The following MRC2 variants were observed in gnomAD, a reference collection of about 807,000 sequenced individuals.
MRC2 encodes the protein mannose receptor C-type 2, also known as C-type mannose receptor 2.
In MRC2, 84 loss-of-function variants were observed where a neutral mutation model predicts 206.2. The ratio of observed to expected loss-of-function variants is 0.41; its 90% CI spans 0.34 to 0.49. MRC2 has a LOEUF of 0.49. MRC2 is among the 20% of genes least tolerant of loss of function. The pLI is 0.31. For missense variants in MRC2, 1,676 were observed against 2,001.5 expected (o/e 0.84, Z 3.10); for synonymous variants, 798 against 800.0 (o/e 1.00, Z 0.04).
chr17:62,640,941 A>G (rs1047916290), intron 1 of MRC2, among the ~76,000 whole-genome samples: 1 of 150,840 alleles, frequency 6.6e-6, no homozygotes, highest in Admixed American at 6.6e-5. Context: ...TGACCTCATG[A>G]TCCACCCGCC....
Position 62,627,725 on chromosome 17 carries a change from G to A in MRC2, c.-78G>A, listed in dbSNP as rs918986871. On this transcript the variant is annotated 5_prime_UTR_variant, in exon 1 of 30. Coordinates refer to ENST00000303375, the MANE Select transcript of MRC2 (RefSeq NM_006039.5). ...GAGCCCCTTGCGGGCGGTCATCACA[G>A]CCCAGCCTCGGGGCTGCCACAGCGC... The A allele has an allele frequency of 2.6e-4, 301 of 1,176,926 alleles. 1 individual carries two copies. The African/African-American group carries it at 4.6e-3, about 18-fold the overall frequency. 72.9% of individuals were successfully genotyped at this position (1,176,926 alleles called of 1,614,324 possible). A position where few individuals can be genotyped will look rare whatever the true frequency, so the allele number is the denominator to read the frequency against.
chr17:62,641,577 T>C (rs2088404607), intron 1 of MRC2, among the ~76,000 whole-genome samples: 1 of 152,184 alleles, frequency 6.6e-6, no homozygotes, highest in African/African-American at 2.4e-5. Context: ...ATTGATGGTT[T>C]GCAAAGAGCT....
intron 1 of MRC2, among the ~76,000 whole-genome samples, chr17:62,634,398 T>G (rs1568046986): frequency 6.6e-6 from 1 of 152,100 alleles, no homozygotes; most frequent in Non-Finnish European, 1.5e-5. Context: ...CCTCCCAGGT[T>G]CAAGCAATTC....
At chr17:62,655,983 C>T (rs1046032700) in intron 1 of MRC2, among the ~76,000 whole-genome samples, 1 of 152,070 alleles carries the variant, frequency 6.6e-6, no homozygotes, top group South Asian at 2.1e-4. Context: ...TCAGACTCCT[C>T]GGCTCAGTTA....
chr17:62,672,147 G>A lies in MRC2; in HGVS notation c.1456G>A (p.Gly486Ser). 6.2e-7 allele frequency: 1 copy of A among 1,613,916 alleles called. No homozygotes were observed. Among genetic ancestry groups the A allele is most frequent in the Non-Finnish European group, 8.5e-7 (1 of 1,179,988 alleles). Residue 486 changes from glycine (G) to serine (S), a missense_variant, in exon 8 of 30, where the codon GGC becomes AGC. Coordinates refer to ENST00000303375, the MANE Select transcript of MRC2 (RefSeq NM_006039.5). This position sits in a 1 kb window ranked among gnomAD's most constrained non-coding sequence, Gnocchi z 4.5. ...TCTGGAGGACTGTGTCACCATCTGGGGCCCGGTGAGATCTCCCTCTCCCTA... is the reference window on the plus strand; with the variant it reads ...TCTGGAGGACTGTGTCACCATCTGGAGCCCGGTGAGATCTCCCTCTCCCTA... ...DSLEDCVTIW[G>S]PEGRWNDSPC...
chr17:62,679,861 C>G lies in MRC2; in HGVS notation c.2257C>G (p.Pro753Ala), dbSNP rs779289590. 50 of 1,613,738 alleles carry G rather than the reference C, an allele frequency of 3.1e-5. No individual in the cohort carries two copies. Among genetic ancestry groups the G allele is most frequent in the Non-Finnish European group, 4.2e-5 (49 of 1,179,994 alleles). The change falls in exon 14 of 30, where the codon CCC (proline) becomes GCC (alanine). Residue 753 changes from proline to alanine, a missense_variant. Transcript: ENST00000303375. ...WFWIGLNRRDPRGGQSWRWSD... is the reference protein window; with the variant it reads ...WFWIGLNRRDARGGQSWRWSD... ...CTGGATCGGCCTGAACCGTCGGGAT[C>G]CCAGAGGGGGTCAGAGTTGGCGCTG...
chr17:62,691,458 C>T (rs191995740), intron 28 of MRC2, among the ~76,000 whole-genome samples: 85 of 152,232 alleles, frequency 5.6e-4, no homozygotes, highest in African/African-American at 1.7e-3. Context: ...TCAGTTTCCT[C>T]GTATGTAAAA....
chr17:62,680,606 C>G lies in MRC2; in HGVS notation c.2473+153C>G. 1.5e-6 allele frequency: 2 copies of G among 1,301,912 alleles called. No individual in the cohort carries two copies. The highest frequency in any genetic ancestry group is 2.2e-4 in the Middle Eastern group (1 of 4,500). 80.6% of individuals were successfully genotyped at this position (1,301,912 alleles called of 1,614,324 possible). On this transcript the variant is annotated intron_variant, in intron 16 of 29. Transcript: ENST00000303375. The surrounding 1 kb of genome is among the most constrained non-coding windows in gnomAD (Gnocchi z 4.8). ...TTGGCTCGGACGGAGGCAGCCACAG[C>G]CCTGTTTGCTTCCGTGTGGGAGGCG...
intron 1 of MRC2, among the ~76,000 whole-genome samples, chr17:62,662,046 G>A (rs982661495): frequency 6.6e-6 from 1 of 152,074 alleles, no homozygotes; most frequent in Non-Finnish European, 1.5e-5. Flanking sequence ...TCAGGAGTTT[G>A]AGATCAGACT....
rs1258156139 is a variant in MRC2, at chr17:62,627,702, G to A, written c.-101G>A. On this transcript the variant is annotated 5_prime_UTR_variant, in exon 1 of 30. Coordinates refer to ENST00000303375, the MANE Select transcript of MRC2 (RefSeq NM_006039.5). ...CGTCCCGACCCGGAGGAGGACGCGA[G>A]CCCCTTGCGGGCGGTCATCACAGCC... 17 of 831,862 alleles carry A rather than the reference G, an allele frequency of 2.0e-5. 1 individual carries two copies. Among genetic ancestry groups the A allele is most frequent in the Middle Eastern group, 7.8e-4 (2 of 2,556 alleles). 51.5% of individuals were successfully genotyped at this position (831,862 alleles called of 1,614,324 possible). A position where few individuals can be genotyped will look rare whatever the true frequency, so the allele number is the denominator to read the frequency against.
At chr17:62,647,892 C>A (rs1340346714) in intron 1 of MRC2, among the ~76,000 whole-genome samples, 3 of 152,162 alleles carry the variant, frequency 2.0e-5, no homozygotes, top group Non-Finnish European at 2.9e-5. Context: ...TGCCAACTAC[C>A]CAGCGGGCAG....
rs774258938 is a variant in MRC2, at chr17:62,688,327, G to A, written c.2985G>A (p.Val995=). The change falls in exon 21 of 30, where the codon GTG becomes GTA. Residue 995 remains valine (V), a synonymous_variant. Transcript: ENST00000303375. The part of the protein sequence containing the change: ...QVQGQEPQSR[V]KWSEAQFSCE... The stretch of plus-strand genomic sequence containing the variant: ...AGGGCCAGGAACCCCAGAGCCGGGT[G>A]AAGTGGTCAGAGGCACAGTTCTCCT... 2 of 1,614,198 alleles carry A rather than the reference G, an allele frequency of 1.2e-6. No homozygotes were observed. Among genetic ancestry groups the A allele is most frequent in the Non-Finnish European group, 1.7e-6 (2 of 1,180,034 alleles).
chr17:62,640,059 G>A (rs377405055), intron 1 of MRC2, among the ~76,000 whole-genome samples: 3,556 of 23,324 alleles, frequency 0.15, 209 homozygotes, highest in African/African-American at 0.36. Context: ...TAGTAGAGAC[G>A]GGGGTTTCTT....
chr17:62,689,888 GC>G lies in MRC2; in HGVS notation c.3574-3del. ...TTCCTCCCACCCCATGGCCCCCCAT[GC>G]CCAGGGCTCTCGGCGGTACTCCTGG... is the stretch of plus-strand genomic sequence containing the variant. On this transcript the variant is annotated splice_polypyrimidine_tract_variant and splice_region_variant and intron_variant, in intron 24 of 29. Coordinates refer to ENST00000303375, the MANE Select transcript of MRC2 (RefSeq NM_006039.5). 6.3e-7 allele frequency: 1 copy of G among 1,585,552 alleles called. No individual in the cohort carries two copies. Among genetic ancestry groups the G allele is most frequent in the Non-Finnish European group, 8.6e-7 (1 of 1,166,754 alleles).
Position 62,672,991 on chromosome 17 carries a change from C to CAAAA in MRC2, c.1461+849_1461+852dup, listed in dbSNP as rs10640837. ...TGGGTGACAGAGCAAGACCCTGTCTCAAAAAAAAAAAAATAAAATAAAAAG... is the reference window on the plus strand; with the variant it reads ...TGGGTGACAGAGCAAGACCCTGTCTCAAAAAAAAAAAAAAAAATAAAATAAAAAG... On this transcript the variant is annotated intron_variant, in intron 8 of 29. Coordinates refer to ENST00000303375, the MANE Select transcript of MRC2 (RefSeq NM_006039.5). The surrounding 1 kb of genome is among the most constrained non-coding windows in gnomAD (Gnocchi z 4.5). Among the ~76,000 whole-genome samples the CAAAA allele has an allele frequency of 1.3e-4, 18 of 143,432 alleles. No homozygotes were observed. Among genetic ancestry groups the CAAAA allele is most frequent in the African/African-American group, 2.6e-4 (10 of 38,442 alleles). The allele number at this position is 143,432 out of a possible 152,430, so 94.1% of individuals were successfully genotyped here.
chr17:62,656,058 T>A (rs574555923), intron 1 of MRC2, among the ~76,000 whole-genome samples: 1 of 152,110 alleles, frequency 6.6e-6, no homozygotes, highest in African/African-American at 2.4e-5. Context: ...CCTGGCTAAT[T>A]TTTTTTTGAG....
At chr17:62,638,251 G>A (rs2088351743) in intron 1 of MRC2, among the ~76,000 whole-genome samples, 1 of 152,072 alleles carries the variant, frequency 6.6e-6, no homozygotes, top group Admixed American at 6.6e-5. Context: ...GAAAGGCAAT[G>A]AGAGTTACCC....
intron 1 of MRC2, among the ~76,000 whole-genome samples, chr17:62,657,384 C>G (rs1333712660): frequency 6.6e-6 from 1 of 152,228 alleles, no homozygotes; most frequent in African/African-American, 2.4e-5. Flanking sequence ...CACACCCAGC[C>G]AGTGCTCAGT....
intron 1 of MRC2, among the ~76,000 whole-genome samples, chr17:62,657,888 G>C (rs927439653): frequency 6.6e-6 from 1 of 152,016 alleles, no homozygotes; most frequent in Non-Finnish European, 1.5e-5. Context: ...CGGCCACTTC[G>C]GGTGGAAAAT....
Sources: allele counts gnomAD v4.1 joint callset (sites outside exome capture counted in the v4.1 genomes callset), GRCh38; gene constraint gnomAD v4.1.1; non-coding constraint Gnocchi (gnomAD v3.1); transcripts MANE v1.5; gene names NCBI Gene and HGNC (gene_info 2026-07-23, HGNC 2026-07-21).